MYO5A: variants seen among roughly 807,000 people sequenced by gnomAD.
MYO5A encodes myosin VA.
MYO5A carries 98 observed loss-of-function variants against 249.7 expected under a neutral mutation model. The observed-to-expected ratio is 0.39, with a 90% CI of 0.33 to 0.46. The LOEUF is 0.46. MYO5A is among the 20% of genes least tolerant of loss of function. MYO5A has a pLI of 0.98. For synonymous variants in MYO5A, 778 were observed against 810.6 expected, an observed-to-expected ratio of 0.96 and a Z score of 0.68; for missense variants, 1,696 against 2,308.8, an observed-to-expected ratio of 0.73 and a Z score of 5.44.
intron 14 of MYO5A, among the ~76,000 whole-genome samples, chr15:52,387,586 C>A (rs1282720079): frequency 6.6e-6 from 1 of 152,118 alleles, no homozygotes; most frequent in African/African-American, 2.4e-5. Flanking sequence ...ACTCGGTAGC[C>A]ATGAAGTCTC....
At chr15:52,429,041 G>C (rs914207340) in intron 2 of MYO5A, among the ~76,000 whole-genome samples, 6 of 152,124 alleles carry the variant, frequency 3.9e-5, no homozygotes, top group Non-Finnish European at 8.8e-5. Flanking sequence ...TGGGCTAACA[G>C]GGTTGTGGTA....
chr15:52,482,720 TA>T (rs1205511212), intron 1 of MYO5A, among the ~76,000 whole-genome samples: 2 of 152,052 alleles, frequency 1.3e-5, no homozygotes, highest in African/African-American at 4.8e-5. Flanking sequence ...AAAATGGCTT[TA>T]AAAAAATTTT....
chr15:52,491,551 A>G (rs1324082674), intron 1 of MYO5A, among the ~76,000 whole-genome samples: 1 of 152,232 alleles, frequency 6.6e-6, no homozygotes, highest in African/African-American at 2.4e-5. Flanking sequence ...AAAGCAAGTA[A>G]TGAACACTAA....
At chr15:52,504,001 G>A (rs955455643) in intron 1 of MYO5A, among the ~76,000 whole-genome samples, 5 of 150,518 alleles carry the variant, frequency 3.3e-5, no homozygotes, top group Admixed American at 1.3e-4. Flanking sequence ...AGCTTTTAAC[G>A]CTTGCATGAA....
At chr15:52,496,884 G>A (rs1445976211) in intron 1 of MYO5A, among the ~76,000 whole-genome samples, 1 of 152,222 alleles carries the variant, frequency 6.6e-6, no homozygotes, top group Non-Finnish European at 1.5e-5. Context: ...CAATGGGGAT[G>A]GGCCTTTACT....
At chr15:52,385,698 A>G (rs1483202499) in intron 14 of MYO5A, among the ~76,000 whole-genome samples, 1 of 152,190 alleles carries the variant, frequency 6.6e-6, no homozygotes, top group Non-Finnish European at 1.5e-5. Flanking sequence ...CTCAAAACAC[A>G]TAACACAGAT....
At chr15:52,397,512 T>C in intron 9 of MYO5A, 46 bp from the exon 10 acceptor site, 1 of 1,598,254 alleles carries the variant, frequency 6.3e-7, no homozygotes, top group Non-Finnish European at 8.6e-7. Flanking sequence ...ATAAATCAAG[T>C]AAGAATCTCT....
chr15:52,480,204 A>G (rs564268862), intron 1 of MYO5A, among the ~76,000 whole-genome samples: 1 of 152,356 alleles, frequency 6.6e-6, no homozygotes, highest in Admixed American at 6.5e-5. Flanking sequence ...GGAAGAAATA[A>G]GAACTAAATA....
At chr15:52,528,398 A>G (rs1333014816) in intron 1 of MYO5A, among the ~76,000 whole-genome samples, 1 of 152,168 alleles carries the variant, frequency 6.6e-6, no homozygotes, top group Non-Finnish European at 1.5e-5. Flanking sequence ...GAGAGAACCC[A>G]TCCGATCTAC....
Position 52,383,127 on chromosome 15 carries a change from C to A in MYO5A, c.1976G>T (p.Arg659Leu). 1.2e-6 allele frequency: 2 copies of A among 1,613,918 alleles called. No individual in the cohort carries two copies. Among genetic ancestry groups the A allele is most frequent in the Non-Finnish European group, 1.7e-6 (2 of 1,179,866 alleles). ...CTTGAAGTCATTAGGCTTGATACAG[C>A]GCACATAGTGAGGGGTAGTGGCATT... ...TLNATTPHYV[R>L]CIKPNDFKFP... The change falls in exon 16 of 42, where the codon CGC (arginine) becomes CTC (leucine). Residue 659 changes from arginine to leucine, a missense_variant. Physicochemically the swap from Arg to Leu is moderately radical, Grantham distance 102 (BLOSUM62 -2). Around this residue, in one of 5 missense-constraint regions of MYO5A, gnomAD observed 277 missense variants for 422.4 expected, o/e 0.66. Coordinates refer to ENST00000399233, the MANE Select transcript of MYO5A (RefSeq NM_001382347.1).
Position 52,448,768 on chromosome 15 carries a change from AC to A in MYO5A, c.28-15484del, listed in dbSNP as rs369388191. Among the ~76,000 whole-genome samples the A allele has an allele frequency of 2.3e-3, 353 of 150,332 alleles. 1 individual carries two copies. Among genetic ancestry groups the A allele is most frequent in the African/African-American group, 8.4e-3 (344 of 40,822 alleles). On this transcript the variant is annotated intron_variant, in intron 1 of 41. Coordinates refer to ENST00000399233, the MANE Select transcript of MYO5A (RefSeq NM_001382347.1). ...TTAAAAGTGTGTAGCAACACCTCCC[AC>A]CCTCTCTTGTCCTCATGCTCCAGCT...
intron 2 of MYO5A, among the ~76,000 whole-genome samples, chr15:52,431,380 T>C (rs1026525191): frequency 6.6e-5 from 10 of 151,458 alleles, no homozygotes; most frequent in African/African-American, 2.4e-4. Context: ...ACATTATATA[T>C]ATAAAATACA....
intron 35 of MYO5A, 58 bp from the exon 36 acceptor site, chr15:52,328,064 T>C (rs2038692811): frequency 4.4e-6 from 6 of 1,372,966 alleles, no homozygotes; most frequent in Non-Finnish European, 6.2e-6. Flanking sequence ...GAGGCATGCA[T>C]TGTGAGATAT....
At chr15:52,330,636 A>T in intron 34 of MYO5A, 137 bp from the exon 35 acceptor site, 2 of 1,024,760 alleles carry the variant, frequency 2.0e-6, no homozygotes, top group Non-Finnish European at 2.9e-6. Context: ...CCTTCTCTTA[A>T]AATAATTTTT....
rs1329455166 is a variant in MYO5A, at chr15:52,494,500, G to A, written c.27+34280C>T. Among the ~76,000 whole-genome samples the A allele has an allele frequency of 7.2e-5, 11 of 152,024 alleles. No homozygotes were observed. In the East Asian group the frequency reaches 2.1e-3, roughly 29 times the overall value. ...GATCTAATGTTATTTCTTGTTTTTTGTTTTTTGTTTTTAATGGAGTTTTGC... is the reference window on the plus strand; with the variant it reads ...GATCTAATGTTATTTCTTGTTTTTTATTTTTTGTTTTTAATGGAGTTTTGC... On this transcript the variant is annotated intron_variant, in intron 1 of 41. Transcript: ENST00000399233.
Position 52,434,287 on chromosome 15 carries a change from C to T in MYO5A, c.28-1002G>A, listed in dbSNP as rs148754536. On this transcript the variant is annotated intron_variant, in intron 1 of 41. Coordinates refer to ENST00000399233, the MANE Select transcript of MYO5A (RefSeq NM_001382347.1). The stretch of plus-strand genomic sequence containing the variant: ...TGCTGGGATTACAGTCATGAGCCAC[C>T]GTGCCCGGCCCACAATTTGGATTTT... Among the ~76,000 whole-genome samples, 1,087 of 152,144 alleles carry T rather than the reference C, an allele frequency of 7.1e-3. 10 individuals are homozygous for T. Among genetic ancestry groups the T allele is most frequent in the Admixed American group, 0.013 (192 of 15,282 alleles).
intron 1 of MYO5A, among the ~76,000 whole-genome samples, chr15:52,515,037 GGAGGCCAGGGTGGGAGGATCACTT>G (rs1420170262): frequency 6.6e-6 from 1 of 152,174 alleles, no homozygotes; most frequent in Non-Finnish European, 1.5e-5. Context: ...CAGCACTTTG[GGAGGCCAGGGTGGGAGGATCACTT>G]GAGCCCAGGA....
intron 21 of MYO5A, among the ~76,000 whole-genome samples, chr15:52,370,923 G>C (rs1049932905): frequency 2.0e-5 from 3 of 151,452 alleles, no homozygotes; most frequent in Non-Finnish European, 4.4e-5. Flanking sequence ...GACTAGCCTG[G>C]GCACATAATG....
At chr15:52,337,594 T>G (rs1350030318) in intron 33 of MYO5A, among the ~76,000 whole-genome samples, 2 of 152,240 alleles carry the variant, frequency 1.3e-5, no homozygotes, top group African/African-American at 4.8e-5. Flanking sequence ...CATCACACTG[T>G]AAGCCTAGTG....
Sources: gnomAD v4.1 joint callset for allele counts (sites outside exome capture counted in the v4.1 genomes callset) on GRCh38, gnomAD v4.1.1 for gene constraint, gnomAD v4.1.1 regional missense constraint, MANE v1.5 for transcripts, NCBI Gene and HGNC (gene_info 2026-07-23, HGNC 2026-07-21) for gene names.